Variants in PALS1 observed in about 807,000 individuals in gnomAD.
PALS1 encodes protein associated with LIN7 1, MAGUK p55 family member.
In PALS1, 31 loss-of-function variants were observed where a neutral mutation model predicts 78.9. The ratio of observed to expected loss-of-function variants is 0.39; its 90% CI spans 0.30 to 0.53. PALS1 has a LOEUF of 0.53. Among genes scored for constraint, PALS1 ranks in the 20% least tolerant of loss-of-function variants. The pLI, the probability that PALS1 is intolerant of heterozygous loss-of-function variation, is 0.67. For missense variants in PALS1, 704 were observed against 826.5 expected, an observed-to-expected ratio of 0.85 and a Z score of 1.82; for synonymous variants, 276 against 270.9, an observed-to-expected ratio of 1.02 and a Z score of -0.18.
chr14:67,273,327 G>C (rs2084444292), intron 2 of PALS1, among the ~76,000 whole-genome samples: 1 of 146,728 alleles, frequency 6.8e-6, no homozygotes, highest in African/African-American at 2.5e-5. Flanking sequence ...CTGTGTCCAA[G>C]TGTTCTCATT....
chr14:67,325,848 G>T (rs112378327), intron 14 of PALS1, among the ~76,000 whole-genome samples: 1 of 149,528 alleles, frequency 6.7e-6, no homozygotes, highest in South Asian at 2.1e-4. Flanking sequence ...TTACTCTGTC[G>T]CCCAGGCTGG....
chr14:67,302,069 G>A lies in PALS1; in HGVS notation c.752G>A (p.Gly251Glu), dbSNP rs2084939420. Residue 251 changes from glycine (G) to glutamate (E), a missense_variant, in exon 6 of 15, where the codon GGA becomes GAA. Physicochemically the swap from Gly to Glu is moderately conservative, Grantham distance 98. Transcript: ENST00000261681. ...RVYESIGQYG[G>E]ETVKIVRIEK... is the part of the protein sequence containing the mutation. Reference sequence around the variant, plus strand: ...TATGAAAGTATTGGCCAGTATGGAGGAGAAACTGTAAAAATAGTTCGTATA... The same window carrying A: ...TATGAAAGTATTGGCCAGTATGGAGAAGAAACTGTAAAAATAGTTCGTATA... 1.2e-6 allele frequency: 2 copies of A among 1,609,054 alleles called. No homozygotes were observed. The highest frequency in any genetic ancestry group is 4.5e-5 in the East Asian group (2 of 44,432).
chr14:67,277,280 A>G (rs1405992106), intron 2 of PALS1, among the ~76,000 whole-genome samples: 1 of 152,216 alleles, frequency 6.6e-6, no homozygotes, highest in Non-Finnish European at 1.5e-5. Flanking sequence ...AATTTGGATG[A>G]AAGACAGAAA....
At chr14:67,308,477 G>A (rs902176760) in intron 8 of PALS1, among the ~76,000 whole-genome samples, 11 of 151,360 alleles carry the variant, frequency 7.3e-5, no homozygotes, top group Admixed American at 1.3e-4. Context: ...CCAAAGGAGT[G>A]TCCATTGAGC....
intron 1 of PALS1, among the ~76,000 whole-genome samples, chr14:67,246,371 G>A (rs2083988157): frequency 6.6e-6 from 1 of 151,888 alleles, no homozygotes; most frequent in Admixed American, 6.6e-5. Context: ...TTGAGACAGG[G>A]TCTCACTCTG....
At chr14:67,268,842 G>A (rs2084369857) in intron 1 of PALS1, among the ~76,000 whole-genome samples, 1 of 152,108 alleles carries the variant, frequency 6.6e-6, no homozygotes, top group South Asian at 2.1e-4. Context: ...AGCCCAGTAG[G>A]TCTCAGCCTT....
intron 8 of PALS1, among the ~76,000 whole-genome samples, chr14:67,305,574 C>T (rs558991251): frequency 1.3e-5 from 2 of 152,344 alleles, no homozygotes; most frequent in South Asian, 4.1e-4. Context: ...AGCCACAATG[C>T]CCAGCCAAGA....
Position 67,332,659 on chromosome 14 carries a change from G to T in PALS1, c.1852-121G>T, listed in dbSNP as rs547397277. On this transcript the variant is annotated intron_variant, in intron 14 of 14. Transcript: ENST00000261681. ...ACAGGGTTGGAAAGGAGCTCCTGAG[G>T]TTGGGAGAGACAGAAGGAAAGCTAT... 2.1e-5 allele frequency: 21 copies of T among 999,440 alleles called. No homozygotes were observed. In the South Asian group the frequency reaches 3.3e-4, roughly 16 times the overall value. The allele number at this position is 999,440 out of a possible 1,614,324, so 61.9% of individuals were successfully genotyped here.
rs1328488242 is a variant in PALS1 at position 67,280,853 on chromosome 14, T to TTCCTTCCTTCCTTCCCTCCTTCCCTCCC, written c.367+1319_367+1320insTTCCTTCCTTCCCTCCTTCCCTCCCTCC. ...CTTCCTTCCTTCCTTCCTTCCTTCCTTCCCTCCCTCCCTCCCTCCCTCCCT... is the reference window on the plus strand; with the variant it reads ...CTTCCTTCCTTCCTTCCTTCCTTCCTTCCTTCCTTCCTTCCCTCCTTCCCTCCCTCCCTCCCTCCCTCCCTCCCTCCCT... On this transcript the variant is annotated intron_variant, in intron 3 of 14. Coordinates refer to ENST00000261681, the MANE Select transcript of PALS1 (RefSeq NM_022474.4). Among the ~76,000 whole-genome samples the TTCCTTCCTTCCTTCCCTCCTTCCCTCCC allele has an allele frequency of 3.9e-5, 3 of 77,576 alleles. No homozygotes were observed. The East Asian group carries it at 2.0e-3, about 51-fold the overall frequency. 50.9% of individuals were successfully genotyped at this position (77,576 alleles called of 152,430 possible). A position where few individuals can be genotyped will look rare whatever the true frequency, so the allele number is the denominator to read the frequency against.
rs866707042 is a variant in PALS1, at chr14:67,288,118, C to T, written c.368-4393C>T. ...CCTTCGAGACAGAGTCTCACTCTGT[C>T]GCCCAGGCTGGAGTGCAGTGGTGCG... On this transcript the variant is annotated intron_variant, in intron 3 of 14. Transcript: ENST00000261681. Among the ~76,000 whole-genome samples, 14 of 152,152 alleles carry T rather than the reference C, an allele frequency of 9.2e-5. No individual in the cohort carries two copies. In the East Asian group the frequency reaches 1.5e-3, roughly 17 times the overall value.
chr14:67,300,550 AC>A lies in PALS1; in HGVS notation c.577-838del, dbSNP rs576757918. On this transcript the variant is annotated intron_variant, in intron 4 of 14. Transcript: ENST00000261681. The stretch of plus-strand genomic sequence containing the variant: ...GCCATGTTGGCCAGGCTGGTCTCGA[AC>A]TCCTGACCTCAAGTGATCTGCCTGC... Among the ~76,000 whole-genome samples, 593 of 152,176 alleles carry A rather than the reference AC, an allele frequency of 3.9e-3. 3 individuals carry two copies. Among genetic ancestry groups the A allele is most frequent in the Middle Eastern group, 0.014 (4 of 294 alleles).
chr14:67,265,149 A>G (rs2084301445), intron 1 of PALS1, among the ~76,000 whole-genome samples: 1 of 152,200 alleles, frequency 6.6e-6, no homozygotes, highest in South Asian at 2.1e-4. Flanking sequence ...TTTCTTTGGA[A>G]TGTAATTATC....
At chr14:67,325,813 C>CTTT (rs34458766) in intron 14 of PALS1, among the ~76,000 whole-genome samples, 1 of 142,968 alleles carries the variant, frequency 7.0e-6, no homozygotes. Flanking sequence ...TGTTAAGCAT[C>CTTT]TTTTTTTTTT....
chr14:67,300,911 C>T (rs1334728612), intron 4 of PALS1, among the ~76,000 whole-genome samples: 1 of 151,918 alleles, frequency 6.6e-6, no homozygotes, highest in East Asian at 1.9e-4. Flanking sequence ...AGGCTGGTCT[C>T]AAACTCCTGG....
At chr14:67,300,336 C>CTTTTTTTTTTTTTTTTTTTTTTTT (rs36091817) in intron 4 of PALS1, among the ~76,000 whole-genome samples, 2 of 139,080 alleles carry the variant, frequency 1.4e-5, no homozygotes, top group Non-Finnish European at 3.1e-5. Flanking sequence ...TATGAATTAC[C>CTTTTTTTTTTTTTTTTTTTTTTTT]TTTTTTTTTT....
intron 1 of PALS1, among the ~76,000 whole-genome samples, chr14:67,259,001 C>T (rs1425876653): frequency 2.6e-5 from 4 of 151,536 alleles, no homozygotes; most frequent in African/African-American, 9.7e-5. Flanking sequence ...TGCCACCATG[C>T]CTGGCTAATT....
At chr14:67,332,439 T>C (rs559267294) in intron 14 of PALS1, among the ~76,000 whole-genome samples, 2 of 152,358 alleles carry the variant, frequency 1.3e-5, no homozygotes, top group South Asian at 4.1e-4. Context: ...GAAGAGGTTA[T>C]AGTGTCTAGA....
intron 14 of PALS1, among the ~76,000 whole-genome samples, chr14:67,327,085 G>A (rs748373124): frequency 1.1e-4 from 17 of 152,288 alleles, no homozygotes; most frequent in Middle Eastern, 6.8e-3. Context: ...TGAGGCCGGA[G>A]AATCACTTGA....
chr14:67,257,222 A>G (rs1171178552), intron 1 of PALS1, among the ~76,000 whole-genome samples: 2 of 152,118 alleles, frequency 1.3e-5, no homozygotes, highest in Non-Finnish European at 2.9e-5. Flanking sequence ...GTGAATCTGC[A>G]TTTTTACATA....
Sources: allele counts gnomAD v4.1 joint callset (sites outside exome capture counted in the v4.1 genomes callset), GRCh38; gene constraint gnomAD v4.1.1; transcripts MANE v1.5; gene names NCBI Gene and HGNC (gene_info 2026-07-23, HGNC 2026-07-21).